Variants in ATP10B observed in about 807,000 individuals in gnomAD.
ATP10B encodes the protein ATPase phospholipid transporting 10B (putative), also known as phospholipid-transporting ATPase VB.
A neutral mutation model predicts 141.2 loss-of-function variants in ATP10B; 122 were observed. The observed-to-expected ratio is 0.86, with a 90% CI of 0.75 to 1.00. The LOEUF (loss-of-function observed/expected upper bound fraction) is 1.00. Among genes scored for constraint, ATP10B ranks in the 50% least tolerant of loss-of-function variants. ATP10B has a pLI of 0.00. For missense variants in ATP10B, 1,876 were observed against 1,825.3 expected (o/e 1.03, Z -0.51); for synonymous variants, 685 against 692.0 (o/e 0.99, Z 0.16).
chr5:160,928,526 C>A, the ATP10B span, among the ~76,000 whole-genome samples: 7 of 152,222 alleles, frequency 4.6e-5, 1 homozygote, highest in South Asian at 1.5e-3. Flanking sequence ...GTTCTGGGAT[C>A]AGTAAACCCT....
Position 160,564,748 on chromosome 5 carries a change from G to T in ATP10B, c.*705C>A, listed in dbSNP as rs970922068. On this transcript the variant is annotated 3_prime_UTR_variant, in exon 26 of 26. Transcript: ENST00000327245. ...CATATGGTCTGTCAGCCAAAACAGG[G>T]GTCTCTGGTGCACCCGTTCCCTTTT... 2.6e-5 allele frequency: 4 copies of T among 152,108 alleles called. No homozygotes were observed. The highest frequency in any genetic ancestry group is 9.7e-5 in the African/African-American group (4 of 41,408). 9.4% of individuals were successfully genotyped at this position (152,108 alleles called of 1,614,324 possible).
chr5:160,823,652 C>T lies in ATP10B; in HGVS notation c.-576+28289G>A, dbSNP rs142610533. Among the ~76,000 whole-genome samples, 933 of 152,188 alleles carry T rather than the reference C, an allele frequency of 6.1e-3. 15 individuals are homozygous for T. The highest frequency in any genetic ancestry group is 0.022 in the African/African-American group (897 of 41,540). Reference sequence around the variant, plus strand: ...TGGGCAGATCATGAGGTCAGGAGATCGAGACCATCCTGGCTACTAAAGATA... The same window carrying T: ...TGGGCAGATCATGAGGTCAGGAGATTGAGACCATCCTGGCTACTAAAGATA... On this transcript the variant is annotated intron_variant, in intron 1 of 25. Transcript: ENST00000327245.
chr5:160,801,046 C>G (rs1418563847), intron 1 of ATP10B, among the ~76,000 whole-genome samples: 1 of 152,130 alleles, frequency 6.6e-6, no homozygotes, highest in Non-Finnish European at 1.5e-5. Context: ...TTTTCAGGAG[C>G]TCTTTGTGGA....
chr5:160,684,857 G>A (rs1475188692), intron 6 of ATP10B: 2 of 700,546 alleles, frequency 2.9e-6, no homozygotes, highest in South Asian at 1.5e-5. Context: ...AGGCACTCTC[G>A]GTTATTGATG....
At chr5:160,835,895 T>C (rs915585135) in intron 1 of ATP10B, among the ~76,000 whole-genome samples, 59 of 152,302 alleles carry the variant, frequency 3.9e-4, no homozygotes, top group African/African-American at 1.4e-3. Flanking sequence ...TAATAAAATT[T>C]GTAATCTTTT....
chr5:160,873,869 G>A, the ATP10B span, among the ~76,000 whole-genome samples: 4,288 of 152,306 alleles, frequency 0.028, 165 homozygotes, highest in East Asian at 0.16. Flanking sequence ...TCCCACACCT[G>A]GCTCGGAGGG....
At chr5:160,644,868 A>G (rs1760160048) in intron 8 of ATP10B, among the ~76,000 whole-genome samples, 1 of 152,296 alleles carries the variant, frequency 6.6e-6, no homozygotes, top group African/African-American at 2.4e-5. Context: ...CTGTAATCTC[A>G]GCACTTTGGG....
At position 160,620,804 on chromosome 5, in the gene ATP10B, G is replaced by A. The variant is rs1242444417; in HGVS notation, c.1959C>T (p.Ala653=). The A allele has an allele frequency of 5.0e-6, 8 of 1,614,182 alleles. No homozygotes were observed. Among genetic ancestry groups the A allele is most frequent in the Admixed American group, 3.3e-5 (2 of 60,022 alleles). ...CATCCGAGTCTGTGGTGGCCACGTT[G>A]GCCCCTAAGCTCTCCCCGAGGTCTG... ...SDTDLGESLG[A]NVATTDSDER... is the part of the protein sequence containing the mutation. Residue 653 remains alanine, a synonymous_variant, in exon 15 of 26, where the codon GCC becomes GCT. Transcript: ENST00000327245.
chr5:160,894,855 C>G, the ATP10B span, among the ~76,000 whole-genome samples: 1 of 152,196 alleles, frequency 6.6e-6, no homozygotes, highest in Non-Finnish European at 1.5e-5. Context: ...CAGTGGATCT[C>G]TCTGCAGAAA....
chr5:160,592,911 G>A (rs1381337148), intron 22 of ATP10B, among the ~76,000 whole-genome samples: 2 of 152,240 alleles, frequency 1.3e-5, no homozygotes, highest in African/African-American at 2.4e-5. Context: ...AAGCAGCTGG[G>A]AAGCTCGAAC....
intron 1 of ATP10B, among the ~76,000 whole-genome samples, chr5:160,799,428 A>G (rs1772205771): frequency 6.6e-6 from 1 of 152,204 alleles, no homozygotes; most frequent in Non-Finnish European, 1.5e-5. Flanking sequence ...TGGTGACGCC[A>G]TGTGTTGTCC....
chr5:160,899,976 G>A, the ATP10B span, among the ~76,000 whole-genome samples: 1 of 152,190 alleles, frequency 6.6e-6, no homozygotes, highest in African/African-American at 2.4e-5. Flanking sequence ...GCCACTCCAA[G>A]GGAAGCCTTC....
intron 1 of ATP10B, among the ~76,000 whole-genome samples, chr5:160,796,715 C>A (rs1401213880): frequency 2.0e-5 from 3 of 152,140 alleles, no homozygotes; most frequent in African/African-American, 7.2e-5. Flanking sequence ...GATTCCCTTC[C>A]CCTCTGACGT....
intron 2 of ATP10B, among the ~76,000 whole-genome samples, chr5:160,748,979 T>A (rs1014006261): frequency 1.3e-5 from 2 of 152,224 alleles, no homozygotes; most frequent in African/African-American, 4.8e-5. Flanking sequence ...AGGAATGATC[T>A]CTTTTGTACA....
At chr5:160,777,006 G>A (rs188901123) in intron 2 of ATP10B, among the ~76,000 whole-genome samples, 7 of 152,292 alleles carry the variant, frequency 4.6e-5, no homozygotes, top group Non-Finnish European at 8.8e-5. Context: ...ATAAAACAAC[G>A]TAAAGGCAGG....
chr5:160,762,172 G>A (rs1456386224), intron 2 of ATP10B, among the ~76,000 whole-genome samples: 1 of 152,192 alleles, frequency 6.6e-6, no homozygotes, highest in Non-Finnish European at 1.5e-5. Context: ...AACTTCCCTG[G>A]TCTTGCTGGA....
chr5:160,786,481 T>C (rs1339945732), intron 1 of ATP10B, among the ~76,000 whole-genome samples: 1 of 152,176 alleles, frequency 6.6e-6, no homozygotes, highest in Non-Finnish European at 1.5e-5. Context: ...ATCATAATTT[T>C]CACTTCATAG....
chr5:160,636,361 G>A, intron 10 of ATP10B, 52 bp from the exon 11 acceptor site: 1 of 1,582,002 alleles, frequency 6.3e-7, no homozygotes, highest in Non-Finnish European at 8.6e-7. Context: ...AAGTCCTAAA[G>A]TTGGTCAATT....
chr5:160,856,356 T>C (rs1487996521), upstream of ATP10B, among the ~76,000 whole-genome samples: 1 of 151,890 alleles, frequency 6.6e-6, no homozygotes, highest in African/African-American at 2.4e-5. Flanking sequence ...ATGTTTATCT[T>C]GTATTCTGCA....
Sources: gnomAD v4.1 joint callset for allele counts (sites outside exome capture counted in the v4.1 genomes callset) on GRCh38, gnomAD v4.1.1 for gene constraint, MANE v1.5 for transcripts, NCBI Gene and HGNC (gene_info 2026-07-23, HGNC 2026-07-21) for gene names.